The following PPM1G variants were observed in gnomAD, a reference collection of about 807,000 sequenced individuals.
The protein encoded by PPM1G is protein phosphatase, Mg2+/Mn2+ dependent 1G, also known as protein phosphatase 1G.
PPM1G carries 12 observed loss-of-function variants against 59.4 expected under a neutral mutation model. The ratio of observed to expected loss-of-function variants is 0.20; its 90% CI spans 0.13 to 0.33. The LOEUF (loss-of-function observed/expected upper bound fraction) is 0.33. Among genes scored for constraint, PPM1G ranks in the 10% least tolerant of loss-of-function variants. The pLI is 1.00. For missense variants in PPM1G, 392 were observed against 681.3 expected (o/e 0.58, Z 4.73); for synonymous variants, 245 against 251.9 (o/e 0.97, Z 0.26).
rs1364439386 is a variant in PPM1G, at chr2:27,401,794, T to C, written c.120+7509A>G. On this transcript the variant is annotated intron_variant, in intron 1 of 9. Coordinates refer to ENST00000344034, the MANE Select transcript of PPM1G (RefSeq NM_177983.3). Reference sequence around the variant, plus strand: ...GTGAGCTGAGGCTGCGTCACTGCACTCCAGCCTGGGTAACAGAGCAAGACC... The same window carrying C: ...GTGAGCTGAGGCTGCGTCACTGCACCCCAGCCTGGGTAACAGAGCAAGACC... 2.6e-5 allele frequency among the ~76,000 whole-genome samples: 4 copies of C among 151,392 alleles called. No individual in the cohort carries two copies. In the East Asian group the frequency reaches 5.8e-4, roughly 22 times the overall value.
At position 27,385,161 on chromosome 2, in the gene PPM1G, C is replaced by G; in HGVS notation, c.410-73G>C. On this transcript the variant is annotated intron_variant, in intron 4 of 9. Coordinates refer to ENST00000344034, the MANE Select transcript of PPM1G (RefSeq NM_177983.3). This position sits in a 1 kb window ranked among gnomAD's most constrained non-coding sequence, Gnocchi z 4.1. ...GGATCCGTCCCTCTCACTACCTCAA[C>G]AGCCCTTGCAGCCTCTAACTTCCCC... is the stretch of plus-strand genomic sequence containing the variant. The G allele has an allele frequency of 1.4e-6, 2 of 1,476,748 alleles. No individual in the cohort carries two copies. Among genetic ancestry groups the G allele is most frequent in the Non-Finnish European group, 9.0e-7 (1 of 1,113,178 alleles). 91.5% of individuals were successfully genotyped at this position (1,476,748 alleles called of 1,614,324 possible).
intron 1 of PPM1G, among the ~76,000 whole-genome samples, chr2:27,395,274 T>C (rs1027207859): frequency 1.4e-5 from 2 of 143,682 alleles, no homozygotes; most frequent in African/African-American, 5.2e-5. Flanking sequence ...AAAGAAAAAC[T>C]TAATTCTAGC....
rs761727055 is a variant in PPM1G at position 27,384,913 on chromosome 2, T to G, written c.585A>C (p.Ser195=). The change falls in exon 5 of 10, where the codon TCA becomes TCC. Residue 195 remains serine (S), a synonymous_variant. Coordinates refer to ENST00000344034, the MANE Select transcript of PPM1G (RefSeq NM_177983.3). This position sits in a 1 kb window ranked among gnomAD's most constrained non-coding sequence, Gnocchi z 4.8. ...TTTCTTGTGAAGGAGTTTCCCTAGT[T>G]GAGTCCTCAGGTCCTGCCTCCCCAT... The part of the protein sequence containing the change: ...GLNGEAGPED[S]TRETPSQENG... 1.2e-6 allele frequency: 2 copies of G among 1,614,212 alleles called. No homozygotes were observed. The highest frequency in any genetic ancestry group is 1.7e-6 in the Non-Finnish European group (2 of 1,180,032).
chr2:27,385,508 C>A lies in PPM1G; in HGVS notation c.409+239G>T. 2.0e-6 allele frequency: 1 copy of A among 505,982 alleles called. No individual in the cohort carries two copies. Among genetic ancestry groups the A allele is most frequent in the East Asian group, 3.4e-5 (1 of 29,554 alleles). 31.3% of individuals were successfully genotyped at this position (505,982 alleles called of 1,614,324 possible). A position where few individuals can be genotyped will look rare whatever the true frequency, so the allele number is the denominator to read the frequency against. ...ATACTAGCAGGAACCAGGAAGACCCCATCACAATGACAAAAGATAATGTAT... is the reference window on the plus strand; with the variant it reads ...ATACTAGCAGGAACCAGGAAGACCCAATCACAATGACAAAAGATAATGTAT... On this transcript the variant is annotated intron_variant, in intron 4 of 9. Transcript: ENST00000344034. This position sits in a 1 kb window ranked among gnomAD's most constrained non-coding sequence, Gnocchi z 4.1.
intron 1 of PPM1G, chr2:27,393,070 C>T: frequency 2.4e-6 from 3 of 1,271,548 alleles, no homozygotes; most frequent in East Asian, 2.3e-5. Context: ...GCATTCAGCC[C>T]GCTCTCCCAT....
At chr2:27,388,088 G>A (rs563462252) in intron 1 of PPM1G, among the ~76,000 whole-genome samples, 4 of 151,434 alleles carry the variant, frequency 2.6e-5, no homozygotes, top group East Asian at 2.0e-4. Context: ...GTGAGCCACC[G>A]CGCCCGGCCT....
intron 1 of PPM1G, among the ~76,000 whole-genome samples, 176 bp downstream of exon 1, chr2:27,409,127 G>C (rs1663452567): frequency 6.6e-6 from 1 of 152,132 alleles, no homozygotes; most frequent in African/African-American, 2.4e-5. Context: ...CGGTCCCCAA[G>C]CATCGGGAGC....
Position 27,381,653 on chromosome 2 carries a change from C to T in PPM1G, c.1587G>A (p.Glu529=). The change falls in exon 10 of 10, where the codon GAG becomes GAA. Residue 529 remains glutamate, a synonymous_variant. Transcript: ENST00000344034. ...CGCTGTTGCCATTTTCTTCAGCCCC[C>T]TCAGTAGAGAGCACCTCCTCTAGTT... is the stretch of plus-strand genomic sequence containing the variant. The part of the protein sequence containing the change: ...KRKLEEVLST[E]GAEENGNSDK... 1 of 1,614,114 alleles carries T rather than the reference C, an allele frequency of 6.2e-7. No individual in the cohort carries two copies. Among genetic ancestry groups the T allele is most frequent in the Non-Finnish European group, 8.5e-7 (1 of 1,180,038 alleles).
At chr2:27,391,458 G>A (rs930155414) in intron 1 of PPM1G, among the ~76,000 whole-genome samples, 6 of 152,124 alleles carry the variant, frequency 3.9e-5, no homozygotes, top group Admixed American at 6.6e-5. Flanking sequence ...TTTCATGTTT[G>A]TGGGCCACAT....
At chr2:27,386,335 G>T in intron 2 of PPM1G, 56 bp from the exon 3 acceptor site, 1 of 1,274,114 alleles carries the variant, frequency 7.8e-7, no homozygotes, top group Non-Finnish European at 1.1e-6. Context: ...CATAGAAAGT[G>T]ATACAATATT....
At position 27,385,983 on chromosome 2, in the gene PPM1G, T is replaced by C; in HGVS notation, c.277-104A>G. 2.1e-6 allele frequency: 3 copies of C among 1,410,958 alleles called. No individual in the cohort carries two copies. The highest frequency in any genetic ancestry group is 9.6e-7 in the Non-Finnish European group (1 of 1,046,828). The allele number at this position is 1,410,958 out of a possible 1,614,324, so 87.4% of individuals were successfully genotyped here. On this transcript the variant is annotated intron_variant, in intron 3 of 9. Coordinates refer to ENST00000344034, the MANE Select transcript of PPM1G (RefSeq NM_177983.3). The surrounding 1 kb of genome is among the most constrained non-coding windows in gnomAD (Gnocchi z 4.1). The stretch of plus-strand genomic sequence containing the variant: ...AAATTAAGAGTGTGAGCCACCACAC[T>C]AAGAGACACTCACAGATAAAAACAG...
At chr2:27,390,133 C>G (rs1442600137) in intron 1 of PPM1G, among the ~76,000 whole-genome samples, 1 of 152,020 alleles carries the variant, frequency 6.6e-6, no homozygotes, top group African/African-American at 2.4e-5. Context: ...TCTCCTGCCT[C>G]AGTCTCCTGA....
At position 27,384,092 on chromosome 2, in the gene PPM1G, C is replaced by T. The variant is rs1683705405; in HGVS notation, c.826G>A (p.Glu276Lys). ...TAGCCATCCTCTTCCTCGCTGCATT[C>T]CTGCCAGGGGGAGGATCCCAGACTG... ...EAEEEEEDSE[E>K]CSEEEDGYSS... The change falls in exon 6 of 10, where the codon GAA (glutamate) becomes AAA (lysine). Residue 276 changes from glutamate to lysine, a missense_variant and splice_region_variant. By Grantham distance (56) the Glu-to-Lys change is moderately conservative. This residue lies in a region of PPM1G where 188 missense variants were observed against 248.8 expected (regional missense o/e 0.76). Transcript: ENST00000344034. The surrounding 1 kb of genome is among the most constrained non-coding windows in gnomAD (Gnocchi z 4.8). 5 of 1,613,982 alleles carry T rather than the reference C, an allele frequency of 3.1e-6. No homozygotes were observed. In the South Asian group the frequency reaches 5.5e-5, roughly 18 times the overall value.
chr2:27,381,647 A>G lies in PPM1G; in HGVS notation c.1593T>C (p.Ala531=), dbSNP rs1294423218. Residue 531 remains alanine, a synonymous_variant, in exon 10 of 10, where the codon GCT becomes GCC. Coordinates refer to ENST00000344034, the MANE Select transcript of PPM1G (RefSeq NM_177983.3). ...TCTTGTCGCTGTTGCCATTTTCTTC[A>G]GCCCCCTCAGTAGAGAGCACCTCCT... ...KLEEVLSTEG[A]EENGNSDKKK... The G allele has an allele frequency of 4.3e-6, 7 of 1,614,040 alleles. No individual in the cohort carries two copies. The highest frequency in any genetic ancestry group is 5.1e-6 in the Non-Finnish European group (6 of 1,180,022).
chr2:27,382,975 A>T lies in PPM1G; in HGVS notation c.1202-370T>A, dbSNP rs1226303890. 1.3e-5 allele frequency among the ~76,000 whole-genome samples: 2 copies of T among 150,686 alleles called. No homozygotes were observed. The highest frequency in any genetic ancestry group is 4.9e-5 in the African/African-American group (2 of 41,062). ...TGAGTAGCTGGGATTACAGGCTTGCACTACCATGCCCAGCTAATTTTTGTA... is the reference window on the plus strand; with the variant it reads ...TGAGTAGCTGGGATTACAGGCTTGCTCTACCATGCCCAGCTAATTTTTGTA... On this transcript the variant is annotated intron_variant, in intron 7 of 9. Coordinates refer to ENST00000344034, the MANE Select transcript of PPM1G (RefSeq NM_177983.3). This position sits in a 1 kb window ranked among gnomAD's most constrained non-coding sequence, Gnocchi z 4.2.
intron 1 of PPM1G, among the ~76,000 whole-genome samples, chr2:27,406,843 GATGGAATATTCACCTCAA>G (rs1663382246): frequency 6.6e-6 from 1 of 152,122 alleles, no homozygotes; most frequent in South Asian, 2.1e-4. Flanking sequence ...TTTACTGCGA[GATGGAATATTCACCTCAA>G]ATCTCACAAC....
chr2:27,387,622 T>G (rs1408476775), intron 1 of PPM1G, among the ~76,000 whole-genome samples: 2 of 152,076 alleles, frequency 1.3e-5, no homozygotes, highest in African/African-American at 4.8e-5. Context: ...TGCCTCCGCC[T>G]GCTGAATAGC....
chr2:27,385,144 C>T lies in PPM1G; in HGVS notation c.410-56G>A. 1.3e-6 allele frequency: 2 copies of T among 1,511,304 alleles called. No individual in the cohort carries two copies. Among genetic ancestry groups the T allele is most frequent in the Non-Finnish European group, 8.8e-7 (1 of 1,135,694 alleles). 93.6% of individuals were successfully genotyped at this position (1,511,304 alleles called of 1,614,324 possible). Reference sequence around the variant, plus strand: ...ATGCCAGACTCCTCATGGGATCCGTCCCTCTCACTACCTCAACAGCCCTTG... The same window carrying T: ...ATGCCAGACTCCTCATGGGATCCGTTCCTCTCACTACCTCAACAGCCCTTG... On this transcript the variant is annotated intron_variant, in intron 4 of 9. Coordinates refer to ENST00000344034, the MANE Select transcript of PPM1G (RefSeq NM_177983.3). The surrounding 1 kb of genome is among the most constrained non-coding windows in gnomAD (Gnocchi z 4.1).
At chr2:27,394,013 C>T (rs1030906567) in intron 1 of PPM1G, among the ~76,000 whole-genome samples, 2 of 152,092 alleles carry the variant, frequency 1.3e-5, no homozygotes, top group South Asian at 2.1e-4. Flanking sequence ...CCACCTGCCT[C>T]GGCCTCCCAA....
Sources: allele counts gnomAD v4.1 joint callset (sites outside exome capture counted in the v4.1 genomes callset), GRCh38; gene constraint gnomAD v4.1.1; regional missense constraint gnomAD v4.1.1; non-coding constraint Gnocchi (gnomAD v3.1); transcripts MANE v1.5; gene names NCBI Gene and HGNC (gene_info 2026-07-23, HGNC 2026-07-21).